Variants in MPP4 observed in about 807,000 individuals in gnomAD.
The protein encoded by MPP4 is MAGUK p55 subfamily member 4.
Under a neutral mutation model 98.3 loss-of-function variants are expected in MPP4, and 91 were observed. The observed-to-expected ratio is 0.93, with a 90% confidence interval of 0.78 to 1.10. The LOEUF is 1.10. MPP4 is among the 50% of genes least tolerant of loss of function. MPP4 has a pLI of 0.00. For synonymous variants in MPP4, 261 were observed against 271.8 expected (o/e 0.96, Z 0.39); for missense variants, 744 against 792.9 (o/e 0.94, Z 0.74).
intron 7 of MPP4, among the ~76,000 whole-genome samples, chr2:201,683,614 T>C (rs144523491): frequency 6.6e-6 from 1 of 151,832 alleles, no homozygotes; most frequent in Non-Finnish European, 1.5e-5. Flanking sequence ...TAGCTGGGGG[T>C]GGAGGTACAT....
chr2:201,680,975 C>T lies in MPP4; in HGVS notation c.792G>A (p.Met264Ile), dbSNP rs1292941345. 8 of 1,613,810 alleles carry T rather than the reference C, an allele frequency of 5.0e-6. No individual in the cohort carries two copies. ...CCTTCTGGAAAGGCAATCCAGCGTC[C>T]ATGCAGGGGATGTCGGGATCCTCCT... ...WPQEDPDIPCMDAGLPFQKGD... is the reference protein window; with the variant it reads ...WPQEDPDIPCIDAGLPFQKGD... The change falls in exon 10 of 22, where the codon ATG (methionine) becomes ATA (isoleucine). Residue 264 changes from methionine to isoleucine, a missense_variant. Met to Ile is a conservative substitution (Grantham distance 10). Transcript: ENST00000409474.
At chr2:201,675,365 T>A in intron 10 of MPP4, 94 bp from the exon 11 acceptor site, 1 of 1,241,954 alleles carries the variant, frequency 8.1e-7, no homozygotes, top group Non-Finnish European at 1.1e-6. Context: ...ACAAACAGAA[T>A]GTTTCTTAGA....
At chr2:201,680,811 G>C in intron 10 of MPP4, 27 bp downstream of exon 10, 2 of 1,586,228 alleles carry the variant, frequency 1.3e-6, no homozygotes, top group Non-Finnish European at 1.7e-6. Flanking sequence ...GTTCAGCCCT[G>C]AGTCCAGGAG....
intron 7 of MPP4, among the ~76,000 whole-genome samples, chr2:201,684,200 C>T (rs1383834459): frequency 7.6e-6 from 1 of 132,324 alleles, no homozygotes; most frequent in African/African-American, 2.8e-5. Context: ...GCCTGAGCAA[C>T]AGATTAAGAC....
chr2:201,698,001 A>G, intron 1 of MPP4: 1 of 985,428 alleles, frequency 1.0e-6, no homozygotes, highest in Non-Finnish European at 1.2e-6. Context: ...CTTGAGAGTG[A>G]GAATTCTTGA....
intron 1 of MPP4, among the ~76,000 whole-genome samples, chr2:201,697,675 G>C (rs1356576433): frequency 6.6e-6 from 1 of 152,198 alleles, no homozygotes; most frequent in African/African-American, 2.4e-5. Context: ...GAACTCCAGA[G>C]GCCTGTGCCC....
chr2:201,698,028 G>C, intron 1 of MPP4: 1 of 985,470 alleles, frequency 1.0e-6, no homozygotes. Flanking sequence ...CTGCAAATAA[G>C]TAAGCACCCA....
intron 8 of MPP4, 135 bp from the exon 9 acceptor site, chr2:201,681,702 C>T: frequency 1.5e-6 from 1 of 663,350 alleles, no homozygotes; most frequent in Non-Finnish European, 2.7e-6. Context: ...AAGGGCTCTG[C>T]AGCTGTCACC....
Position 201,657,961 on chromosome 2 carries a change from T to TG in MPP4, c.1129+515_1129+516insC, listed in dbSNP as rs1434874907. ...ACAGAAAGGTGGCCCCTTGTTTTTTTTTTTTTTGTTTTTTTTTTTTCACGC... is the reference window on the plus strand; with the variant it reads ...ACAGAAAGGTGGCCCCTTGTTTTTTTGTTTTTTTGTTTTTTTTTTTTCACGC... On this transcript the variant is annotated intron_variant, in intron 16 of 21. Coordinates refer to ENST00000409474, the MANE Select transcript of MPP4 (RefSeq NM_033066.3). 4.2e-4 allele frequency among the ~76,000 whole-genome samples: 63 copies of TG among 151,086 alleles called. 1 individual carries two copies. Among genetic ancestry groups the TG allele is most frequent in the African/African-American group, 1.5e-3 (63 of 40,806 alleles).
chr2:201,657,962 T>TTTTG lies in MPP4; in HGVS notation c.1129+514_1129+515insCAAA, dbSNP rs1379502773. On this transcript the variant is annotated intron_variant, in intron 16 of 21. Transcript: ENST00000409474. Reference sequence around the variant, plus strand: ...CAGAAAGGTGGCCCCTTGTTTTTTTTTTTTTTGTTTTTTTTTTTTCACGCT... The same window carrying TTTTG: ...CAGAAAGGTGGCCCCTTGTTTTTTTTTTTGTTTTTTGTTTTTTTTTTTTCACGCT... Among the ~76,000 whole-genome samples the TTTTG allele has an allele frequency of 3.4e-4, 52 of 150,748 alleles. 1 individual carries two copies. Among genetic ancestry groups the TTTTG allele is most frequent in the African/African-American group, 1.3e-3 (51 of 40,472 alleles).
intron 4 of MPP4, among the ~76,000 whole-genome samples, chr2:201,688,886 G>A (rs1290220851): frequency 6.6e-6 from 1 of 152,032 alleles, no homozygotes; most frequent in African/African-American, 2.4e-5. Flanking sequence ...CAAAGTGCTG[G>A]GATTATAGCC....
intron 20 of MPP4, 96 bp from the exon 21 acceptor site, chr2:201,647,921 T>TCACAGTTCACTGTAGC: frequency 8.2e-7 from 1 of 1,212,390 alleles, no homozygotes; most frequent in East Asian, 2.6e-5. Context: ...TGTGGTGCAA[T>TCACAGTTCACTGTAGC]CACAGTTCAC....
chr2:201,695,466 T>A (rs903884081), intron 1 of MPP4, among the ~76,000 whole-genome samples: 7 of 152,188 alleles, frequency 4.6e-5, no homozygotes, highest in Non-Finnish European at 7.4e-5. Flanking sequence ...TCTTTACATA[T>A]AAACACAAGA....
At chr2:201,655,118 A>C (rs552009063) in intron 17 of MPP4, among the ~76,000 whole-genome samples, 18 of 152,318 alleles carry the variant, frequency 1.2e-4, no homozygotes, top group African/African-American at 3.6e-4. Flanking sequence ...AGTAATCCAC[A>C]TTGTTTCAAC....
At chr2:201,682,699 C>G (rs1388135655) in intron 8 of MPP4, 132 bp downstream of exon 8, 1 of 688,960 alleles carries the variant, frequency 1.5e-6, no homozygotes, top group Non-Finnish European at 2.5e-6. Context: ...GGTCTGGGAG[C>G]CTGGAGGGAG....
At chr2:201,654,989 T>C (rs1687813573) in intron 17 of MPP4, 72 bp from the exon 18 acceptor site, 1 of 982,534 alleles carries the variant, frequency 1.0e-6, no homozygotes, top group Non-Finnish European at 1.5e-6. Flanking sequence ...AATTATCATT[T>C]TAGTCCTTCT....
chr2:201,684,870 C>T lies in MPP4; in HGVS notation c.574+194G>A, dbSNP rs572847242. Among the ~76,000 whole-genome samples, 5 of 151,392 alleles carry T rather than the reference C, an allele frequency of 3.3e-5. No homozygotes were observed. In the East Asian group the frequency reaches 9.7e-4, roughly 29 times the overall value. ...GAGGCTGAGGCAGGAGAATGGCAAA[C>T]CCCAGAGGTGGAGCTTGCAGTGAGC... On this transcript the variant is annotated intron_variant, in intron 7 of 21. Transcript: ENST00000409474.
intron 1 of MPP4, among the ~76,000 whole-genome samples, chr2:201,695,553 G>A (rs900592694): frequency 3.3e-5 from 5 of 152,184 alleles, no homozygotes; most frequent in Non-Finnish European, 7.4e-5. Flanking sequence ...GTAATAGGTT[G>A]TCATCAAGAA....
At chr2:201,657,540 C>A (rs192912110) in intron 16 of MPP4, among the ~76,000 whole-genome samples, 107 of 147,954 alleles carry the variant, frequency 7.2e-4, no homozygotes, top group African/African-American at 2.6e-3. Context: ...CTAGACTTCC[C>A]CTTTCCATGT....
Sources: gnomAD v4.1 joint callset for allele counts (sites outside exome capture counted in the v4.1 genomes callset) on GRCh38, gnomAD v4.1.1 for gene constraint, MANE v1.5 for transcripts, NCBI Gene and HGNC (gene_info 2026-07-23, HGNC 2026-07-21) for gene names.